Variants in SOCS7 observed in about 807,000 individuals in gnomAD.
The protein encoded by SOCS7 is NAP-4.
A neutral mutation model predicts 58.9 loss-of-function variants in SOCS7; 18 were observed. That is an observed-to-expected ratio of 0.31 (90% CI 0.21 to 0.45). The LOEUF is 0.45. Ranked by LOEUF, SOCS7 falls within the 20% of genes least tolerant of loss-of-function variation. SOCS7 has a pLI of 1.00. For synonymous variants in SOCS7, 388 were observed against 364.3 expected (o/e 1.06, Z -0.74); for missense variants, 667 against 837.3 (o/e 0.80, Z 2.51).
intron 3 of SOCS7, 53 bp from the exon 4 acceptor site, chr17:38,365,254 GT>G (rs1220534296): frequency 7.4e-7 from 1 of 1,357,938 alleles, no homozygotes; most frequent in Admixed American, 1.8e-5. Flanking sequence ...TGCCTTCAGC[GT>G]GCTCATTCTG....
intron 3 of SOCS7, 22 bp downstream of exon 3, chr17:38,364,878 A>C: frequency 6.5e-7 from 1 of 1,535,960 alleles, no homozygotes; most frequent in Non-Finnish European, 9.0e-7. Context: ...TCCCCTCTCC[A>C]CCTTCTTGCC....
chr17:38,369,674 CTTTTTTT>C (rs11299884), intron 6 of SOCS7, among the ~76,000 whole-genome samples: 21 of 125,986 alleles, frequency 1.7e-4, no homozygotes, highest in African/African-American at 6.3e-4. Context: ...TCTCCGATTA[CTTTTTTT>C]TTTTTTTTTT....
chr17:38,374,112 T>C (rs2037901831), intron 6 of SOCS7, among the ~76,000 whole-genome samples: 1 of 152,164 alleles, frequency 6.6e-6, no homozygotes, highest in African/African-American at 2.4e-5. Flanking sequence ...CCCAGCTACT[T>C]GGGAGGCTGA....
At chr17:38,365,792 G>A (rs1567738817) in intron 4 of SOCS7, 1 of 200,070 alleles carries the variant, frequency 5.0e-6, no homozygotes, top group Non-Finnish European at 9.8e-6. Context: ...ATTTACTGCA[G>A]CCTTGTAAAT....
chr17:38,376,067 A>G (rs2037927327), intron 6 of SOCS7: 1 of 152,184 alleles, frequency 6.6e-6, no homozygotes, highest in Non-Finnish European at 1.5e-5. Context: ...AAAGACCAAA[A>G]CACTTCTAAA....
At chr17:38,380,683 A>G (rs1328255508) in intron 7 of SOCS7, among the ~76,000 whole-genome samples, 1 of 151,694 alleles carries the variant, frequency 6.6e-6, no homozygotes, top group East Asian at 1.9e-4. Context: ...ACATGGTGAA[A>G]CCACACCTCT....
chr17:38,382,881 T>C (rs1338128808), intron 7 of SOCS7, among the ~76,000 whole-genome samples: 4 of 152,176 alleles, frequency 2.6e-5, no homozygotes, highest in Admixed American at 2.0e-4. Context: ...CTTCCCTGTT[T>C]ACCAGGGTTT....
At chr17:38,398,089 C>T (rs1027478524) in intron 9 of SOCS7, among the ~76,000 whole-genome samples, 6 of 151,990 alleles carry the variant, frequency 3.9e-5, no homozygotes, top group African/African-American at 9.7e-5. Context: ...CATATATTGG[C>T]GAAGGTTTGA....
At position 38,352,124 on chromosome 17, in the gene SOCS7, C is replaced by A; in HGVS notation, c.72C>A (p.Leu24=). 1 of 973,490 alleles carries A rather than the reference C, an allele frequency of 1.0e-6. No individual in the cohort carries two copies. The highest frequency in any genetic ancestry group is 1.3e-6 in the Non-Finnish European group (1 of 758,394). The allele number at this position is 973,490 out of a possible 1,614,324, so 60.3% of individuals were successfully genotyped here. The part of the protein sequence containing the change: ...AAASYRVLSR[L]LGYGEAAPEP... ...CTTCGTACCGCGTCCTGAGCCGCCT[C>A]CTTGGCTATGGAGAGGCGGCCCCCG... is the stretch of plus-strand genomic sequence containing the variant. Residue 24 remains leucine (L), a synonymous_variant, in exon 1 of 10, where the codon CTC becomes CTA. Transcript: ENST00000612932. The surrounding 1 kb of genome is among the most constrained non-coding windows in gnomAD (Gnocchi z 5.5).
chr17:38,360,629 T>C (rs2144321428), intron 1 of SOCS7, among the ~76,000 whole-genome samples: 1 of 152,306 alleles, frequency 6.6e-6, no homozygotes. Flanking sequence ...AAGCTCCGCC[T>C]CCTGGGTTCA....
intron 7 of SOCS7, among the ~76,000 whole-genome samples, chr17:38,387,147 A>ATGTGTGTG: frequency 7.8e-6 from 1 of 127,944 alleles, no homozygotes; most frequent in Admixed American, 8.1e-5. Flanking sequence ...ATATATATAT[A>ATGTGTGTG]TATATGATTA....
At position 38,353,096 on chromosome 17, in the gene SOCS7, T is replaced by G. The variant is rs537146325; in HGVS notation, c.980+64T>G. Reference sequence around the variant, plus strand: ...CTTGTTTGGTTTCCCTTTTTATCTATTGCTATCGCGATCCTGACAGTTCTT... The same window carrying G: ...CTTGTTTGGTTTCCCTTTTTATCTAGTGCTATCGCGATCCTGACAGTTCTT... On this transcript the variant is annotated intron_variant, in intron 1 of 9. Transcript: ENST00000612932. The G allele has an allele frequency of 2.6e-4, 358 of 1,401,778 alleles. 1 individual carries two copies. The African/African-American group carries it at 3.4e-3, about 13-fold the overall frequency. 86.8% of individuals were successfully genotyped at this position (1,401,778 alleles called of 1,614,324 possible). A position where few individuals can be genotyped will look rare whatever the true frequency, so the allele number is the denominator to read the frequency against.
At chr17:38,385,715 C>T (rs565358538) in intron 7 of SOCS7, among the ~76,000 whole-genome samples, 1 of 152,168 alleles carries the variant, frequency 6.6e-6, no homozygotes. Flanking sequence ...TTTTAAATAT[C>T]TTAATCTGTG....
At chr17:38,391,842 T>C (rs2038176546) in intron 7 of SOCS7, among the ~76,000 whole-genome samples, 1 of 152,216 alleles carries the variant, frequency 6.6e-6, no homozygotes, top group African/African-American at 2.4e-5. Flanking sequence ...TGATTCCTTA[T>C]CTGATTCTGT....
At position 38,401,823 on chromosome 17, in the gene SOCS7, A is replaced by G. The variant is rs895419608; in HGVS notation, c.*2341A>G. ...CCTGTTAGAGCAACATGGTTAAAGA[A>G]TCCTTTCCAGTGCGGTTTTCTAGAT... On this transcript the variant is annotated 3_prime_UTR_variant, in exon 10 of 10. Coordinates refer to ENST00000612932, the MANE Select transcript of SOCS7 (RefSeq NM_014598.4). The G allele has an allele frequency of 3.5e-4, 54 of 152,300 alleles. No individual in the cohort carries two copies. The highest frequency in any genetic ancestry group is 1.3e-3 in the African/African-American group (54 of 41,454). The allele number at this position is 152,300 out of a possible 1,614,324, so 9.4% of individuals were successfully genotyped here.
At chr17:38,367,796 G>A (rs2037811361) in intron 5 of SOCS7, 86 bp from the exon 6 acceptor site, 2 of 1,228,482 alleles carry the variant, frequency 1.6e-6, no homozygotes, top group Non-Finnish European at 2.3e-6. Context: ...AATGCAGAGG[G>A]TTCTCCCATG....
chr17:38,396,318 TAAG>T (rs573591933), intron 9 of SOCS7, among the ~76,000 whole-genome samples: 34 of 152,136 alleles, frequency 2.2e-4, no homozygotes, highest in South Asian at 1.7e-3. Context: ...TTGAAAAAAA[TAAG>T]AAGAAGAGTG....
chr17:38,402,149 C>T lies in SOCS7; in HGVS notation c.*2667C>T, dbSNP rs759451767. The T allele has an allele frequency of 1.3e-5, 2 of 152,392 alleles. No individual in the cohort carries two copies. Among genetic ancestry groups the T allele is most frequent in the African/African-American group, 4.8e-5 (2 of 41,458 alleles). 9.4% of individuals were successfully genotyped at this position (152,392 alleles called of 1,614,324 possible). On this transcript the variant is annotated 3_prime_UTR_variant, in exon 10 of 10. Transcript: ENST00000612932. ...ACTGTGTCTGTGTCAGTGCACTGGT[C>T]CCAGCCCTGGCCGCAGCCTAGTCCT...
chr17:38,389,906 T>TATATATGTAC (rs1555571102), intron 7 of SOCS7, among the ~76,000 whole-genome samples: 24 of 103,400 alleles, frequency 2.3e-4, no homozygotes, highest in Admixed American at 3.0e-4. Flanking sequence ...TATACACATA[T>TATATATGTAC]AGAGAGAGAG....
Sources: allele counts gnomAD v4.1 joint callset (sites outside exome capture counted in the v4.1 genomes callset), GRCh38; gene constraint gnomAD v4.1.1; non-coding constraint Gnocchi (gnomAD v3.1); transcripts MANE v1.5; gene names NCBI Gene and HGNC (gene_info 2026-07-23, HGNC 2026-07-21).